Variants in TNFAIP3 observed in about 807,000 individuals in gnomAD.
TNFAIP3 encodes the protein tumor necrosis factor alpha-induced protein 3.
A neutral mutation model predicts 72.4 loss-of-function variants in TNFAIP3; 9 were observed. The observed-to-expected ratio is 0.12, with a 90% CI of 0.07 to 0.22. TNFAIP3 has a LOEUF of 0.22. Ranked by LOEUF, TNFAIP3 falls within the 10% of genes least tolerant of loss-of-function variation. TNFAIP3 has a pLI of 1.00. For missense variants in TNFAIP3, 833 were observed against 1,018.7 expected, an observed-to-expected ratio of 0.82 and a Z score of 2.48; for synonymous variants, 339 against 372.6, an observed-to-expected ratio of 0.91 and a Z score of 1.04.
In TNFAIP3 at chr6:137,882,723, G is replaced by A. The variant is rs538953176; in HGVS notation, c.*1404G>A. The A allele has an allele frequency of 8.6e-6, 2 of 232,646 alleles. No individual in the cohort carries two copies. The highest frequency in any genetic ancestry group is 5.6e-5 in the Admixed American group (1 of 17,752). 14.4% of individuals were successfully genotyped at this position (232,646 alleles called of 1,614,324 possible). A position where few individuals can be genotyped will look rare whatever the true frequency, so the allele number is the denominator to read the frequency against. ...TTCTGTTAACACTGTGTCCTGGGGG[G>A]GCTGGGAAGTCCCCTGCATCCCATG... On this transcript the variant is annotated 3_prime_UTR_variant, in exon 9 of 9. Coordinates refer to ENST00000612899, the MANE Select transcript of TNFAIP3 (RefSeq NM_001270508.2).
rs759772872 is a variant in TNFAIP3, at chr6:137,879,382, C to G, written c.1906+31C>G. The G allele has an allele frequency of 3.8e-6, 6 of 1,588,918 alleles. No homozygotes were observed. The East Asian group carries it at 1.3e-4, about 36-fold the overall frequency. ...TGAAGTGGTTGACTTCCTAACACAG[C>G]GGCTGCTGTCCAGAAGGGGTTTTGT... On this transcript the variant is annotated intron_variant, in intron 7 of 8. Coordinates refer to ENST00000612899, the MANE Select transcript of TNFAIP3 (RefSeq NM_001270508.2).
At position 137,876,142 on chromosome 6, in the gene TNFAIP3, G is replaced by C. The variant is rs1020793649; in HGVS notation, c.781G>C (p.Val261Leu). ...TGACAGCCATCATTTTGTACCCTTG[G>C]TGACCCTGAAGGACAGTGGGCCTGG... ...GYDSHHFVPL[V>L]TLKDSGPEIR... is the part of the protein sequence containing the mutation. Residue 261 changes from valine (V) to leucine (L), a missense_variant, in exon 5 of 9, where the codon GTG (valine) becomes CTG (leucine). This residue lies in a region of TNFAIP3 where 246 missense variants were observed against 360.9 expected (regional missense o/e 0.68). Transcript: ENST00000612899. 2 of 1,613,936 alleles carry C rather than the reference G, an allele frequency of 1.2e-6. No individual in the cohort carries two copies. The highest frequency in any genetic ancestry group is 1.6e-4 in the Middle Eastern group (1 of 6,062).
chr6:137,878,296 G>A (rs1776319099), intron 6 of TNFAIP3, 136 bp from the exon 7 acceptor site: 2 of 734,258 alleles, frequency 2.7e-6, no homozygotes, highest in Non-Finnish European at 2.2e-6. Context: ...TTCATCACAG[G>A]CCTGCATTTC....
rs553641580 is a variant in TNFAIP3 at position 137,882,132 on chromosome 6, G to T, written c.*813G>T. 9 of 231,334 alleles carry T rather than the reference G, an allele frequency of 3.9e-5. No homozygotes were observed. In the East Asian group the frequency reaches 4.9e-4, roughly 13 times the overall value. The allele number at this position is 231,334 out of a possible 1,614,324, so 14.3% of individuals were successfully genotyped here. A position where few individuals can be genotyped will look rare whatever the true frequency, so the allele number is the denominator to read the frequency against. ...TATAATATACCCTTACATTATGTATGAGGGATTTTTTTAAATTATATTGAA... is the reference window on the plus strand; with the variant it reads ...TATAATATACCCTTACATTATGTATTAGGGATTTTTTTAAATTATATTGAA... On this transcript the variant is annotated 3_prime_UTR_variant, in exon 9 of 9. Transcript: ENST00000612899.
intron 6 of TNFAIP3, among the ~76,000 whole-genome samples, chr6:137,878,016 A>T (rs1041437680): frequency 6.6e-6 from 1 of 152,338 alleles, no homozygotes; most frequent in East Asian, 1.9e-4. Context: ...CTGAGGTTCC[A>T]AAGTAGTTTG....
intron 7 of TNFAIP3, 70 bp from the exon 8 acceptor site, chr6:137,880,001 C>T: frequency 7.1e-7 from 1 of 1,400,420 alleles, no homozygotes; most frequent in Non-Finnish European, 1.0e-6. Flanking sequence ...ATTTATTTCT[C>T]TACTGTCAGC....
chr6:137,880,805 G>A lies in TNFAIP3; in HGVS notation c.2089-230G>A, dbSNP rs1406219440. Among the ~76,000 whole-genome samples, 3 of 152,094 alleles carry A rather than the reference G, an allele frequency of 2.0e-5. 1 individual carries two copies. Among genetic ancestry groups the A allele is most frequent in the Non-Finnish European group, 4.4e-5 (3 of 68,002 alleles). On this transcript the variant is annotated intron_variant, in intron 8 of 8. Coordinates refer to ENST00000612899, the MANE Select transcript of TNFAIP3 (RefSeq NM_001270508.2). ...GTTTGCAGGCCAACTTAGGCTTGGC[G>A]GTTTTCCTCAGCCTCCCTGGGGGCC...
chr6:137,874,015 T>C (rs1270623940), intron 2 of TNFAIP3, among the ~76,000 whole-genome samples: 1 of 152,194 alleles, frequency 6.6e-6, no homozygotes, highest in African/African-American at 2.4e-5. Flanking sequence ...CGTTTGGGGG[T>C]TGAAAAAAAT....
intron 4 of TNFAIP3, 66 bp downstream of exon 4, chr6:137,875,901 GA>G (rs1776229855): frequency 6.2e-7 from 1 of 1,605,186 alleles, no homozygotes; most frequent in African/African-American, 1.3e-5. Flanking sequence ...GGCTCCTGGA[GA>G]AAACCACACT....
Position 137,881,399 on chromosome 6 carries a change from C to G in TNFAIP3, c.*80C>G, listed in dbSNP as rs146085256. On this transcript the variant is annotated 3_prime_UTR_variant, in exon 9 of 9. Coordinates refer to ENST00000612899, the MANE Select transcript of TNFAIP3 (RefSeq NM_001270508.2). This position sits in a 1 kb window ranked among gnomAD's most constrained non-coding sequence, Gnocchi z 5.0. Reference sequence around the variant, plus strand: ...TCATGGTGCTATCCTCTGAACCCCTCAGCTGCCACTGCAACAGTGGGCTTA... The same window carrying G: ...TCATGGTGCTATCCTCTGAACCCCTGAGCTGCCACTGCAACAGTGGGCTTA... 167 of 1,293,528 alleles carry G rather than the reference C, an allele frequency of 1.3e-4. No individual in the cohort carries two copies. The East Asian group carries it at 3.4e-3, about 26-fold the overall frequency. 80.1% of individuals were successfully genotyped at this position (1,293,528 alleles called of 1,614,324 possible). A position where few individuals can be genotyped will look rare whatever the true frequency, so the allele number is the denominator to read the frequency against.
rs1295337888 is a variant in TNFAIP3, at chr6:137,871,275, G to A, written c.48G>A (p.Arg16=). The A allele has an allele frequency of 6.2e-7, 1 of 1,614,082 alleles. No homozygotes were observed. The highest frequency in any genetic ancestry group is 8.5e-7 in the Non-Finnish European group (1 of 1,180,008). Residue 16 remains arginine, a synonymous_variant, in exon 2 of 9, where the codon CGG becomes CGA. Transcript: ENST00000612899. This position sits in a 1 kb window ranked among gnomAD's most constrained non-coding sequence, Gnocchi z 4.2. The part of the protein sequence containing the change: ...LPQALYLSNM[R]KAVKIRERTP... The stretch of plus-strand genomic sequence containing the variant: ...AGGCTTTGTATTTGAGCAATATGCG[G>A]AAAGCTGTGAAGATACGGGAGAGAA...
Position 137,876,033 on chromosome 6 carries a change from C to A in TNFAIP3, c.672C>A (p.Phe224Leu), listed in dbSNP as rs370381369. 1.9e-6 allele frequency: 3 copies of A among 1,613,946 alleles called. No homozygotes were observed. The highest frequency in any genetic ancestry group is 2.5e-6 in the Non-Finnish European group (3 of 1,179,938). Reference sequence around the variant, plus strand: ...GAAGTTTGGAATCAGGTTCCAATTTCGCCCCTTTGAAAGTGGGTGGAATTT... The same window carrying A: ...GAAGTTTGGAATCAGGTTCCAATTTAGCCCCTTTGAAAGTGGGTGGAATTT... ...MLRSLESGSN[F>L]APLKVGGIYL... The change falls in exon 5 of 9, where the codon TTC becomes TTA. Residue 224 changes from phenylalanine to leucine, a missense_variant. Transcript: ENST00000612899.
Position 137,875,753 on chromosome 6 carries a change from T to C in TNFAIP3, c.552T>C (p.Ser184=), listed in dbSNP as rs370174617. ...CCACAGACACACCCATGGCCCGAAGTGGACTTCAGTACAACTCACTGGAAG... is the reference window on the plus strand; with the variant it reads ...CCACAGACACACCCATGGCCCGAAGCGGACTTCAGTACAACTCACTGGAAG... ...MASTDTPMAR[S]GLQYNSLEEI... is the part of the protein sequence containing the mutation. Residue 184 remains serine (S), a synonymous_variant, in exon 4 of 9, where the codon AGT becomes AGC. Coordinates refer to ENST00000612899, the MANE Select transcript of TNFAIP3 (RefSeq NM_001270508.2). The C allele has an allele frequency of 3.7e-5, 59 of 1,614,130 alleles. No individual in the cohort carries two copies. The African/African-American group carries it at 6.0e-4, about 16-fold the overall frequency.
At position 137,877,149 on chromosome 6, in the gene TNFAIP3, T is replaced by C; in HGVS notation, c.879T>C (p.Asp293=). 1.9e-6 allele frequency: 3 copies of C among 1,613,952 alleles called. No individual in the cohort carries two copies. Among genetic ancestry groups the C allele is most frequent in the Non-Finnish European group, 2.5e-6 (3 of 1,179,962 alleles). The change falls in exon 6 of 9, where the codon GAT becomes GAC. Residue 293 remains aspartate (D), a synonymous_variant. Coordinates refer to ENST00000612899, the MANE Select transcript of TNFAIP3 (RefSeq NM_001270508.2). The part of the protein sequence containing the change: ...FEDLKVHFLT[D]PENEMKEKLL... ...ACTTAAAAGTTCACTTTTTGACAGA[T>C]CCTGAAAATGAGATGAAGGAGAAGC...
At position 137,881,709 on chromosome 6, in the gene TNFAIP3, G is replaced by T; in HGVS notation, c.*390G>T. 4.0e-6 allele frequency: 1 copy of T among 248,246 alleles called. No homozygotes were observed. The highest frequency in any genetic ancestry group is 7.8e-6 in the Non-Finnish European group (1 of 128,770). The allele number at this position is 248,246 out of a possible 1,614,324, so 15.4% of individuals were successfully genotyped here. A position where few individuals can be genotyped will look rare whatever the true frequency, so the allele number is the denominator to read the frequency against. ...AAGGGAAAAGACACACAAGTCGCGT[G>T]GGTTGGAGAAGCCAGAGCCATTCCA... On this transcript the variant is annotated 3_prime_UTR_variant, in exon 9 of 9. Coordinates refer to ENST00000612899, the MANE Select transcript of TNFAIP3 (RefSeq NM_001270508.2). The surrounding 1 kb of genome is among the most constrained non-coding windows in gnomAD (Gnocchi z 5.0).
rs1776471908 is a variant in TNFAIP3, at chr6:137,881,720, GC to G, written c.*403del. 1 of 244,488 alleles carries G rather than the reference GC, an allele frequency of 4.1e-6. No individual in the cohort carries two copies. 15.1% of individuals were successfully genotyped at this position (244,488 alleles called of 1,614,324 possible). A position where few individuals can be genotyped will look rare whatever the true frequency, so the allele number is the denominator to read the frequency against. Reference sequence around the variant, plus strand: ...CACACAAGTCGCGTGGGTTGGAGAAGCCAGAGCCATTCCACCTCCCCTCCCC... The same window carrying G: ...CACACAAGTCGCGTGGGTTGGAGAAGCAGAGCCATTCCACCTCCCCTCCCC... On this transcript the variant is annotated 3_prime_UTR_variant, in exon 9 of 9. Coordinates refer to ENST00000612899, the MANE Select transcript of TNFAIP3 (RefSeq NM_001270508.2). This position sits in a 1 kb window ranked among gnomAD's most constrained non-coding sequence, Gnocchi z 5.0.
Position 137,879,156 on chromosome 6 carries a change from G to A in TNFAIP3, c.1711G>A (p.Val571Ile), listed in dbSNP as rs748312513. The A allele has an allele frequency of 3.7e-6, 6 of 1,613,996 alleles. No individual in the cohort carries two copies. Among genetic ancestry groups the A allele is most frequent in the African/African-American group, 1.3e-5 (1 of 75,004 alleles). ...QRSKSDPSRL[V>I]RSPSPHSCHR... is the part of the protein sequence containing the mutation. ...TTCCAAGTCAGATCCCTCGCGGCTC[G>A]TCCGGAGCCCCTCCCCGCATTCTTG... Residue 571 changes from valine to isoleucine, a missense_variant, in exon 7 of 9, where the codon GTC becomes ATC. Physicochemically the swap from Val to Ile is conservative, Grantham distance 29 (BLOSUM62 3). This residue lies in a region of TNFAIP3 where 587 missense variants were observed against 657.8 expected (regional missense o/e 0.89). Transcript: ENST00000612899.
At chr6:137,879,513 C>G (rs1776378340) in intron 7 of TNFAIP3, among the ~76,000 whole-genome samples, 162 bp downstream of exon 7, 1 of 152,198 alleles carries the variant, frequency 6.6e-6, no homozygotes, top group African/African-American at 2.4e-5. Flanking sequence ...GGTGGCCCTG[C>G]CAGCCGCCCA....
At position 137,867,940 on chromosome 6, in the gene TNFAIP3, T is replaced by C. The variant is rs960352033; in HGVS notation, c.-16+398T>C. The C allele has an allele frequency of 1.3e-5, 2 of 152,570 alleles. No homozygotes were observed. Among genetic ancestry groups the C allele is most frequent in the Middle Eastern group, 3.4e-3 (1 of 294 alleles). 9.5% of individuals were successfully genotyped at this position (152,570 alleles called of 1,614,324 possible). On this transcript the variant is annotated intron_variant, in intron 1 of 8. Transcript: ENST00000612899. The surrounding 1 kb of genome is among the most constrained non-coding windows in gnomAD (Gnocchi z 6.0). ...AGACCTTGCAGAAGCGCTGCGGCTT[T>C]TTCCCAAATTGTGCAGGACCAGCCC...
Sources: gnomAD v4.1 joint callset for allele counts (sites outside exome capture counted in the v4.1 genomes callset) on GRCh38, gnomAD v4.1.1 for gene constraint, gnomAD v4.1.1 regional missense constraint, Gnocchi (gnomAD v3.1) non-coding constraint, MANE v1.5 for transcripts, NCBI Gene and HGNC (gene_info 2026-07-23, HGNC 2026-07-21) for gene names.